UGT1A5: variants seen among roughly 807,000 people sequenced by gnomAD.
The protein encoded by UGT1A5 is UDP glucuronosyltransferase family 1 member A5, also known as UDP-glucuronosyltransferase 1A5.
UGT1A5 carries 29 observed loss-of-function variants against 40.3 expected under a neutral mutation model. The ratio of observed to expected loss-of-function variants is 0.72; its 90% CI spans 0.54 to 0.98. The LOEUF (loss-of-function observed/expected upper bound fraction) is 0.98. UGT1A5 is among the 50% of genes least tolerant of loss of function. The probability of loss-of-function intolerance (pLI) is 0.00; values close to 1 mark genes in which losing one functional copy is unlikely to be tolerated. For missense variants in UGT1A5, 678 were observed against 677.9 expected, an observed-to-expected ratio of 1.00 and a Z score of 0.00; for synonymous variants, 257 against 262.5, an observed-to-expected ratio of 0.98 and a Z score of 0.20.
intron 1 of UGT1A5, chr2:233,750,470 T>A (rs1412262508): frequency 6.6e-6 from 1 of 151,972 alleles, no homozygotes; most frequent in Non-Finnish European, 1.5e-5. Context: ...AAATACTGGC[T>A]ATAGAAATTT....
At chr2:233,749,889 C>G (rs1694294053) in intron 1 of UGT1A5, among the ~76,000 whole-genome samples, 1 of 151,896 alleles carries the variant, frequency 6.6e-6, no homozygotes. Context: ...TCCTGAGGCT[C>G]CCCCCTCCAG....
intron 1 of UGT1A5, among the ~76,000 whole-genome samples, chr2:233,744,422 T>C (rs2125863019): frequency 6.6e-6 from 1 of 151,974 alleles, no homozygotes; most frequent in Non-Finnish European, 1.5e-5. Flanking sequence ...TTCATGTGGA[T>C]TATATCTATC....
intron 1 of UGT1A5, among the ~76,000 whole-genome samples, chr2:233,714,731 C>T (rs1234277982): frequency 6.6e-6 from 1 of 152,142 alleles, no homozygotes; most frequent in Non-Finnish European, 1.5e-5. Context: ...GTTAAGTCTT[C>T]AAAATCTAGC....
intron 1 of UGT1A5, among the ~76,000 whole-genome samples, chr2:233,752,736 C>A (rs1332947715): frequency 1.3e-5 from 2 of 152,164 alleles, no homozygotes; most frequent in African/African-American, 4.8e-5. Flanking sequence ...CAGAGAGAGA[C>A]CCTGTCTCTA....
At chr2:233,732,709 C>G (rs540969589) in intron 1 of UGT1A5, among the ~76,000 whole-genome samples, 1 of 150,878 alleles carries the variant, frequency 6.6e-6, no homozygotes, top group African/African-American at 2.4e-5. Context: ...GTTACTGTAG[C>G]CTTGTAGTAC....
chr2:233,719,734 T>C lies in UGT1A5; in HGVS notation c.867+5876T>C, dbSNP rs370386346. 2.0e-5 allele frequency: 32 copies of C among 1,613,416 alleles called. 1 individual carries two copies. The East Asian group carries it at 2.7e-4, about 13-fold the overall frequency. On this transcript the variant is annotated intron_variant, in intron 1 of 4. Transcript: ENST00000373414. Reference sequence around the variant, plus strand: ...CAATCAATGTTCCAGGCAAAACACTTTTTAAAAAATGTATTTACTTACAAG... The same window carrying C: ...CAATCAATGTTCCAGGCAAAACACTCTTTAAAAAATGTATTTACTTACAAG...
chr2:233,718,788 G>A, intron 1 of UGT1A5: 1 of 1,613,102 alleles, frequency 6.2e-7, no homozygotes, highest in Non-Finnish European at 8.5e-7. Context: ...ACAGCGTGGG[G>A]TGGACAGTCA....
chr2:233,733,202 C>A (rs1192097385), intron 1 of UGT1A5, among the ~76,000 whole-genome samples: 2 of 152,102 alleles, frequency 1.3e-5, no homozygotes, highest in Non-Finnish European at 2.9e-5. Context: ...CTTAAGGAGA[C>A]TTTGGGCTGA....
intron 1 of UGT1A5, among the ~76,000 whole-genome samples, chr2:233,744,198 G>A (rs1317214415): frequency 6.6e-6 from 1 of 151,870 alleles, no homozygotes; most frequent in Non-Finnish European, 1.5e-5. Flanking sequence ...CTCCAAAAAG[G>A]ATGGGAAAAA....
intron 1 of UGT1A5, chr2:233,743,959 C>A (rs371517697): frequency 5.2e-6 from 7 of 1,333,990 alleles, no homozygotes; most frequent in Non-Finnish European, 7.0e-6. Context: ...GCACAGCGAG[C>A]GGCAAGGCTG....
At chr2:233,719,146 G>A in intron 1 of UGT1A5, 2 of 1,614,266 alleles carry the variant, frequency 1.2e-6, no homozygotes, top group Non-Finnish European at 1.7e-6. Context: ...CTTCTGAAGA[G>A]ATATTCTAGA....
chr2:233,757,466 T>A (rs1362251733), intron 1 of UGT1A5, among the ~76,000 whole-genome samples: 1 of 149,346 alleles, frequency 6.7e-6, no homozygotes, highest in Non-Finnish European at 1.5e-5. Context: ...GAGCGCTTAC[T>A]GTCTCCAAAA....
At chr2:233,746,807 G>C (rs1340541444) in intron 1 of UGT1A5, among the ~76,000 whole-genome samples, 4 of 151,778 alleles carry the variant, frequency 2.6e-5, no homozygotes, top group Admixed American at 2.0e-4. Flanking sequence ...CGTGAATGTG[G>C]ATTGCCTACT....
intron 1 of UGT1A5, among the ~76,000 whole-genome samples, chr2:233,728,416 G>A (rs563525403): frequency 6.4e-4 from 98 of 152,296 alleles, no homozygotes; most frequent in African/African-American, 2.2e-3. Context: ...TTAGATAGCA[G>A]CACCTCTTCT....
chr2:233,713,397 G>C lies in UGT1A5; in HGVS notation c.406G>C (p.Ala136Pro). 6.2e-7 allele frequency: 1 copy of C among 1,614,030 alleles called. No individual in the cohort carries two copies. The highest frequency in any genetic ancestry group is 8.5e-7 in the Non-Finnish European group (1 of 1,180,004). The change falls in exon 1 of 5, where the codon GCC becomes CCC. Residue 136 changes from alanine to proline, a missense_variant. By Grantham distance (27) the Ala-to-Pro change is conservative (BLOSUM62 -1). Coordinates refer to ENST00000373414, the MANE Select transcript of UGT1A5 (RefSeq NM_019078.2). ...TTGTGTGGAGCTACTGCATAATGAG[G>C]CCCTGATCAGGCACCTGCATGCTAC... ...RSCVELLHNE[A>P]LIRHLHATSF...
intron 1 of UGT1A5, among the ~76,000 whole-genome samples, chr2:233,746,235 C>A (rs565676121): frequency 6.6e-6 from 1 of 151,714 alleles, no homozygotes; most frequent in South Asian, 2.1e-4. Flanking sequence ...ATGCAAACTG[C>A]TAAAAGATAC....
In UGT1A5 at chr2:233,742,835, A is replaced by G. The variant is rs1692114452; in HGVS notation, c.868-24199A>G. 10 of 157,840 alleles carry G rather than the reference A, an allele frequency of 6.3e-5. No individual in the cohort carries two copies. In the South Asian group the frequency reaches 1.7e-3, roughly 27 times the overall value. 9.8% of individuals were successfully genotyped at this position (157,840 alleles called of 1,614,324 possible). A position where few individuals can be genotyped will look rare whatever the true frequency, so the allele number is the denominator to read the frequency against. ...TATTATTTGTAGATTTCACCACTAC[A>G]CACTAAACAATAAAGTCAAATGATT... On this transcript the variant is annotated intron_variant, in intron 1 of 4. Coordinates refer to ENST00000373414, the MANE Select transcript of UGT1A5 (RefSeq NM_019078.2).
intron 1 of UGT1A5, chr2:233,754,873 T>C (rs763585549): frequency 7.4e-7 from 1 of 1,352,606 alleles, no homozygotes; most frequent in Non-Finnish European, 9.9e-7. Flanking sequence ...CCTCTGCTTC[T>C]GCTTCCCAGG....
intron 1 of UGT1A5, among the ~76,000 whole-genome samples, chr2:233,716,306 C>A (rs1005131476): frequency 6.6e-6 from 1 of 152,218 alleles, no homozygotes; most frequent in African/African-American, 2.4e-5. Context: ...AAAGTCTCTT[C>A]CACCTGTAAT....
Sources: allele counts gnomAD v4.1 joint callset (sites outside exome capture counted in the v4.1 genomes callset), GRCh38; gene constraint gnomAD v4.1.1; transcripts MANE v1.5; gene names NCBI Gene and HGNC (gene_info 2026-07-23, HGNC 2026-07-21).